Variants in CENPC observed in about 807,000 individuals in gnomAD.
The protein encoded by CENPC is centromere protein C, also known as CENP-C 1.
In CENPC, 63 loss-of-function variants were observed where a neutral mutation model predicts 112.1. That is an observed-to-expected ratio of 0.56 (90% CI 0.46 to 0.69). The LOEUF is 0.69. CENPC is among the 30% of genes least tolerant of loss of function. The pLI, the probability that CENPC is intolerant of heterozygous loss-of-function variation, is 0.00. For missense variants in CENPC, 1,000 were observed against 1,103.8 expected (o/e 0.91, Z 1.33); for synonymous variants, 333 against 367.6 (o/e 0.91, Z 1.08).
At chr4:67,511,190 G>C (rs1375740032) in intron 9 of CENPC, among the ~76,000 whole-genome samples, 1 of 152,130 alleles carries the variant, frequency 6.6e-6, no homozygotes, top group South Asian at 2.1e-4. Context: ...ACTCAAAGTG[G>C]AAGAGTGATA....
chr4:67,536,728 G>GA (rs1726728871), intron 4 of CENPC, among the ~76,000 whole-genome samples: 1 of 148,938 alleles, frequency 6.7e-6, no homozygotes, highest in Admixed American at 6.7e-5. Flanking sequence ...TCAAGGATTA[G>GA]AAAAAATTAA....
intron 12 of CENPC, among the ~76,000 whole-genome samples, chr4:67,498,040 G>C (rs564825361): frequency 6.6e-6 from 1 of 151,928 alleles, no homozygotes; most frequent in East Asian, 1.9e-4. Flanking sequence ...AGACAAGCCC[G>C]ACCAACATGG....
chr4:67,516,537 G>A (rs1007870451), intron 7 of CENPC, among the ~76,000 whole-genome samples: 13 of 151,906 alleles, frequency 8.6e-5, no homozygotes, highest in Non-Finnish European at 8.8e-5. Flanking sequence ...TCCTCTAATC[G>A]CAAACTCCTG....
intron 16 of CENPC, among the ~76,000 whole-genome samples, chr4:67,490,905 AAT>A (rs554812913): frequency 1.4e-5 from 2 of 143,862 alleles, no homozygotes; most frequent in South Asian, 2.2e-4. Flanking sequence ...TATATATAGA[AAT>A]ATATATATAG....
intron 5 of CENPC, among the ~76,000 whole-genome samples, chr4:67,524,817 T>G (rs1024240331): frequency 1.3e-5 from 2 of 152,052 alleles, no homozygotes; most frequent in African/African-American, 4.8e-5. Context: ...TTCACAGAAC[T>G]AGAAAAAACT....
chr4:67,531,434 C>T (rs539691002), intron 4 of CENPC, among the ~76,000 whole-genome samples: 1 of 152,260 alleles, frequency 6.6e-6, no homozygotes, highest in East Asian at 1.9e-4. Context: ...ACAGGGCTAC[C>T]CCTTGGTTGG....
In CENPC at chr4:67,508,930, AT is replaced by A; in HGVS notation, c.1787del (p.Asn596MetfsTer19). The part of the protein sequence containing the change: ...KGNQRVQKFL[N>X]AEGSGGIVGH... ...CAACGATACCTCCAGAACCTTCAGC[AT>A]TTAAAAACTTCTGTACTCTTTGGTT... On this transcript the variant is annotated frameshift_variant, in exon 10 of 19. Coordinates refer to ENST00000273853, the MANE Select transcript of CENPC (RefSeq NM_001812.4). LOFTEE classifies it high-confidence loss of function. 1 of 1,613,674 alleles carries A rather than the reference AT, an allele frequency of 6.2e-7. No individual in the cohort carries two copies. Among genetic ancestry groups the A allele is most frequent in the Middle Eastern group, 1.7e-4 (1 of 6,052 alleles).
intron 17 of CENPC, among the ~76,000 whole-genome samples, 170 bp downstream of exon 17, chr4:67,489,797 T>C (rs1355171410): frequency 6.6e-6 from 1 of 152,118 alleles, no homozygotes; most frequent in East Asian, 1.9e-4. Flanking sequence ...TATTGTCAAA[T>C]AACTGTTGGC....
At chr4:67,484,412 G>A (rs369838495) in intron 17 of CENPC, among the ~76,000 whole-genome samples, 42 of 152,296 alleles carry the variant, frequency 2.8e-4, no homozygotes, top group Middle Eastern at 3.4e-3. Flanking sequence ...GACAGGGACC[G>A]CTACTGGCAG....
intron 11 of CENPC, among the ~76,000 whole-genome samples, chr4:67,506,567 A>C (rs1037876183): frequency 1.3e-5 from 2 of 152,182 alleles, no homozygotes; most frequent in Non-Finnish European, 2.9e-5. Context: ...GTTCCAGACA[A>C]GACTTTAAAG....
chr4:67,492,109 A>C (rs766556522), intron 16 of CENPC, 71 bp downstream of exon 16: 1 of 1,044,070 alleles, frequency 9.6e-7, no homozygotes, highest in Non-Finnish European at 1.4e-6. Context: ...TAGACAGGCC[A>C]ATCATCAAGC....
chr4:67,491,525 A>AGAGAGAGAGAGAGC (rs1553893257), intron 16 of CENPC, among the ~76,000 whole-genome samples: 2 of 130,042 alleles, frequency 1.5e-5, no homozygotes, highest in Admixed American at 8.2e-5. Flanking sequence ...AGAGAGAGAG[A>AGAGAGAGAGAGAGC]GAGCCTGGTT....
At chr4:67,474,555 G>A (rs763519178) in intron 18 of CENPC, 6 of 254,462 alleles carry the variant, frequency 2.4e-5, no homozygotes, top group South Asian at 4.4e-5. Context: ...AAAAGTAGCC[G>A]GATGTGGTGG....
chr4:67,491,968 C>T (rs995329261), intron 16 of CENPC, among the ~76,000 whole-genome samples: 16 of 152,100 alleles, frequency 1.1e-4, no homozygotes, highest in Admixed American at 3.9e-4. Context: ...AGGACAAGTC[C>T]GGGGTGTTAA....
intron 17 of CENPC, among the ~76,000 whole-genome samples, chr4:67,483,992 C>T (rs1431917690): frequency 6.6e-6 from 1 of 152,112 alleles, no homozygotes; most frequent in Non-Finnish European, 1.5e-5. Flanking sequence ...CCTAAGTCTA[C>T]AGTATTTATA....
chr4:67,511,073 C>T (rs77801020), intron 9 of CENPC: 9,228 of 455,942 alleles, frequency 0.02, 139 homozygotes, highest in South Asian at 0.033. Context: ...TATTATTTAA[C>T]ACTTCAATAC....
At chr4:67,483,959 TTC>T (rs1359303735) in intron 17 of CENPC, among the ~76,000 whole-genome samples, 1 of 151,916 alleles carries the variant, frequency 6.6e-6, no homozygotes, top group Admixed American at 6.6e-5. Flanking sequence ...GAAAGAAAAA[TTC>T]TGTTTATGAA....
At chr4:67,498,910 T>A (rs1008112598) in intron 12 of CENPC, among the ~76,000 whole-genome samples, 1 of 152,246 alleles carries the variant, frequency 6.6e-6, no homozygotes, top group Non-Finnish European at 1.5e-5. Context: ...ATCAGAGGAA[T>A]CACTACTTGT....
At chr4:67,531,013 A>G (rs1256149389) in intron 4 of CENPC, 99 bp from the exon 5 acceptor site, 1 of 551,958 alleles carries the variant, frequency 1.8e-6, no homozygotes, top group African/African-American at 2.0e-5. Flanking sequence ...CAAGTATTCT[A>G]AAACAACAAA....
Sources: allele counts gnomAD v4.1 joint callset (sites outside exome capture counted in the v4.1 genomes callset), GRCh38; gene constraint gnomAD v4.1.1; transcripts MANE v1.5; gene names NCBI Gene and HGNC (gene_info 2026-07-23, HGNC 2026-07-21).